The following ST18 variants were observed in gnomAD, a reference collection of about 807,000 sequenced individuals.
ST18 encodes the protein suppression of tumorigenicity 18 protein.
ST18 carries 50 observed loss-of-function variants against 110.0 expected under a neutral mutation model. The observed-to-expected ratio is 0.45, with a 90% CI of 0.36 to 0.58. The LOEUF (loss-of-function observed/expected upper bound fraction) is 0.58. Ranked by LOEUF, ST18 falls within the 20% of genes least tolerant of loss-of-function variation. ST18 has a pLI of 0.00. For synonymous variants in ST18, 461 were observed against 452.4 expected (o/e 1.02, Z -0.24); for missense variants, 1,306 against 1,280.1 (o/e 1.02, Z -0.31).
Position 52,149,779 on chromosome 8 carries a change from G to A in ST18, c.2005C>T (p.Pro669Ser). 1.2e-6 allele frequency: 2 copies of A among 1,614,138 alleles called. No individual in the cohort carries two copies. Among genetic ancestry groups the A allele is most frequent in the East Asian group, 2.2e-5 (1 of 44,876 alleles). ...CCGTGAGTTTTGCTATAGTTGATAG[G>A]AGTGTCCCAGCCCTCTTGGTCACAA... ...ALCDQEGWDT[P>S]INYSKTHGKT... The change falls in exon 16 of 26, where the codon CCT (proline) becomes TCT (serine). Residue 669 changes from proline to serine, a missense_variant. By Grantham distance (74) the Pro-to-Ser change is moderately conservative (BLOSUM62 -1). Transcript: ENST00000689386.
At position 52,304,836 on chromosome 8, in the gene ST18, G is replaced by A. The variant is rs115576518; in HGVS notation, c.-464-74759C>T. Among the ~76,000 whole-genome samples, 536 of 152,236 alleles carry A rather than the reference G, an allele frequency of 3.5e-3. 3 individuals are homozygous for A. The highest frequency in any genetic ancestry group is 0.012 in the African/African-American group (517 of 41,540). On this transcript the variant is annotated intron_variant, in intron 2 of 25. Transcript: ENST00000689386. The stretch of plus-strand genomic sequence containing the variant: ...TCTTCTTGCTGTGTTCTCACATGGA[G>A]GAAGGGGCAAGAGAGCTCTCTGGGT...
At chr8:52,282,787 A>G (rs1363585247) in intron 2 of ST18, among the ~76,000 whole-genome samples, 1 of 152,080 alleles carries the variant, frequency 6.6e-6, no homozygotes, top group Admixed American at 6.6e-5. Flanking sequence ...CCACTTAGGG[A>G]ACAGCAAGGG....
At chr8:52,165,844 T>A (rs1430879210) in intron 11 of ST18, among the ~76,000 whole-genome samples, 1 of 152,200 alleles carries the variant, frequency 6.6e-6, no homozygotes, top group Non-Finnish European at 1.5e-5. Flanking sequence ...TTTTGCAATT[T>A]GTTTTGGCCC....
chr8:52,197,455 A>G (rs1384980243), intron 8 of ST18, among the ~76,000 whole-genome samples: 3 of 152,180 alleles, frequency 2.0e-5, no homozygotes, highest in African/African-American at 4.8e-5. Flanking sequence ...CAGGGTTTGG[A>G]GCTTCTTTGT....
chr8:52,170,318 T>C (rs1181281349), intron 10 of ST18, among the ~76,000 whole-genome samples: 2 of 152,090 alleles, frequency 1.3e-5, no homozygotes, highest in Non-Finnish European at 2.9e-5. Context: ...TAGCTGGTTG[T>C]GGTGGTGAGC....
chr8:52,251,126 G>T (rs775364551), intron 2 of ST18, among the ~76,000 whole-genome samples: 2 of 152,116 alleles, frequency 1.3e-5, no homozygotes, highest in African/African-American at 4.8e-5. Flanking sequence ...ACTCTGCAGG[G>T]TGTGATCAAA....
intron 24 of ST18, among the ~76,000 whole-genome samples, chr8:52,117,884 T>A (rs900531099): frequency 6.6e-6 from 1 of 152,230 alleles, no homozygotes; most frequent in Admixed American, 6.5e-5. Context: ...TTGCTTGGGC[T>A]TTTAGGTAAA....
chr8:52,216,418 T>C (rs1048985580), intron 6 of ST18, among the ~76,000 whole-genome samples: 1 of 152,210 alleles, frequency 6.6e-6, no homozygotes, highest in Non-Finnish European at 1.5e-5. Context: ...CAAACATATT[T>C]AAAAACTGAG....
intron 2 of ST18, among the ~76,000 whole-genome samples, chr8:52,263,861 C>T (rs542661377): frequency 1.5e-5 from 2 of 136,402 alleles, no homozygotes; most frequent in East Asian, 2.0e-4. Flanking sequence ...ATTCTCCTGC[C>T]GATCTTCACT....
chr8:52,319,072 C>A (rs1179512916), intron 2 of ST18, among the ~76,000 whole-genome samples: 1 of 151,866 alleles, frequency 6.6e-6, no homozygotes, highest in Non-Finnish European at 1.5e-5. Context: ...TGTACATGTA[C>A]CCCTGAACTT....
At chr8:52,277,483 A>T (rs1209353325) in intron 2 of ST18, among the ~76,000 whole-genome samples, 10 of 152,220 alleles carry the variant, frequency 6.6e-5, no homozygotes, top group Middle Eastern at 3.2e-3. Context: ...CCAAGGAAAG[A>T]ATGTACCATA....
intron 2 of ST18, among the ~76,000 whole-genome samples, chr8:52,244,186 T>C (rs546914743): frequency 6.6e-4 from 100 of 152,308 alleles, no homozygotes; most frequent in African/African-American, 2.3e-3. Context: ...ACCTGGTCAG[T>C]ACACGATTTA....
chr8:52,169,531 CTTGAG>C (rs1209112392), intron 10 of ST18, among the ~76,000 whole-genome samples: 2 of 152,162 alleles, frequency 1.3e-5, no homozygotes, highest in Non-Finnish European at 2.9e-5. Flanking sequence ...TTTTAAAACT[CTTGAG>C]TTTTCTCCTT....
At chr8:52,350,137 C>T (rs971193129) in intron 2 of ST18, among the ~76,000 whole-genome samples, 9 of 152,128 alleles carry the variant, frequency 5.9e-5, no homozygotes, top group African/African-American at 2.2e-4. Flanking sequence ...ATCCAGGTCT[C>T]CCAAGACAGA....
At chr8:52,116,162 T>A (rs372148874) in intron 25 of ST18, 113 bp downstream of exon 25, 2 of 1,234,684 alleles carry the variant, frequency 1.6e-6, no homozygotes, top group Non-Finnish European at 2.2e-6. Context: ...GTGGTCACTC[T>A]GTGACTGCTC....
At chr8:52,250,511 C>CCACAGTACAA (rs1383541405) in intron 2 of ST18, among the ~76,000 whole-genome samples, 1 of 135,142 alleles carries the variant, frequency 7.4e-6, no homozygotes, top group African/African-American at 2.8e-5. Context: ...ATAAACAATG[C>CCACAGTACAA]CACAGTACAA....
At chr8:52,248,799 C>A (rs1258947495) in intron 2 of ST18, among the ~76,000 whole-genome samples, 1 of 152,130 alleles carries the variant, frequency 6.6e-6, no homozygotes, top group African/African-American at 2.4e-5. Context: ...AAATTAAATA[C>A]AAGAGGAAAA....
At chr8:52,268,463 T>C (rs1425640095) in intron 2 of ST18, among the ~76,000 whole-genome samples, 1 of 143,916 alleles carries the variant, frequency 6.9e-6, no homozygotes, top group African/African-American at 2.6e-5. Flanking sequence ...CGTCTATCTA[T>C]CTATCATCTA....
chr8:52,193,944 T>C (rs2075380850), intron 8 of ST18, among the ~76,000 whole-genome samples: 1 of 152,224 alleles, frequency 6.6e-6, no homozygotes, highest in Non-Finnish European at 1.5e-5. Context: ...CAGCGACTAA[T>C]AAGTTGTTGC....
Sources: gnomAD v4.1 joint callset for allele counts (sites outside exome capture counted in the v4.1 genomes callset) on GRCh38, gnomAD v4.1.1 for gene constraint, MANE v1.5 for transcripts, NCBI Gene and HGNC (gene_info 2026-07-23, HGNC 2026-07-21) for gene names.